TCF12: variants seen among roughly 807,000 people sequenced by gnomAD.
TCF12 encodes DNA-binding protein HTF4.
In TCF12, 45 loss-of-function variants were observed where a neutral mutation model predicts 86.0. The observed-to-expected ratio is 0.52, with a 90% CI of 0.41 to 0.67. The LOEUF (loss-of-function observed/expected upper bound fraction) is 0.67. TCF12 is among the 30% of genes least tolerant of loss of function. The pLI is 0.00. For synonymous variants in TCF12, 330 were observed against 299.6 expected, an observed-to-expected ratio of 1.10 and a Z score of -1.05; for missense variants, 881 against 859.9, an observed-to-expected ratio of 1.02 and a Z score of -0.31.
chr15:57,082,905 G>A (rs942620327), intron 4 of TCF12, among the ~76,000 whole-genome samples: 8 of 152,128 alleles, frequency 5.3e-5, no homozygotes, highest in African/African-American at 1.9e-4. Flanking sequence ...GGGAGAAATT[G>A]GAGGCAAGCT....
chr15:57,225,220 CTTTTTTTTTT>C lies in TCF12; in HGVS notation c.580-5910_580-5901del, dbSNP rs139530756. ...TTACCATTTAGGTTACTGATATATG[CTTTTTTTTTT>C]TTTTTTTTTTTTTTTTTTTTTAAGA... On this transcript the variant is annotated intron_variant, in intron 8 of 20. Transcript: ENST00000333725. 2.3e-4 allele frequency among the ~76,000 whole-genome samples: 9 copies of C among 39,768 alleles called. No individual in the cohort carries two copies. The Admixed American group carries it at 2.9e-3, about 13-fold the overall frequency. 26.1% of individuals were successfully genotyped at this position (39,768 alleles called of 152,430 possible). A position where few individuals can be genotyped will look rare whatever the true frequency, so the allele number is the denominator to read the frequency against.
At chr15:56,929,586 G>A (rs1379620501) in intron 3 of TCF12, among the ~76,000 whole-genome samples, 1 of 152,040 alleles carries the variant, frequency 6.6e-6, no homozygotes, top group Non-Finnish European at 1.5e-5. Flanking sequence ...ACTGTAAGCT[G>A]CTTGGGGACC....
intron 6 of TCF12, among the ~76,000 whole-genome samples, chr15:57,172,179 T>TC (rs1189550612): frequency 6.6e-6 from 1 of 152,152 alleles, no homozygotes; most frequent in Admixed American, 6.6e-5. Flanking sequence ...AGTTGATGTA[T>TC]CAGAAAGACA....
rs1226920021 is a variant in TCF12 at position 57,096,399 on chromosome 15, G to GA, written c.325+4518dup. ...GGGAAATGTTTCTGGTTATTTAAAG[G>GA]AAAAAAAAAAGATCATGAAAGTTCT... On this transcript the variant is annotated intron_variant, in intron 5 of 20. Transcript: ENST00000333725. Among the ~76,000 whole-genome samples, 516 of 145,886 alleles carry GA rather than the reference G, an allele frequency of 3.5e-3. 2 individuals are homozygous for GA. Among genetic ancestry groups the GA allele is most frequent in the African/African-American group, 0.012 (486 of 39,912 alleles).
chr15:57,174,606 C>T (rs893140886), intron 6 of TCF12, among the ~76,000 whole-genome samples: 5 of 152,238 alleles, frequency 3.3e-5, no homozygotes, highest in South Asian at 2.1e-4. Flanking sequence ...TTGCTGATGA[C>T]GTGTTTGTGT....
intron 11 of TCF12, among the ~76,000 whole-genome samples, 200 bp from the exon 12 acceptor site, chr15:57,233,843 T>C (rs527754437): frequency 6.6e-6 from 1 of 152,334 alleles, no homozygotes; most frequent in Non-Finnish European, 1.5e-5. Flanking sequence ...GACAAGAAGC[T>C]TTTTTATTAT....
intron 3 of TCF12, among the ~76,000 whole-genome samples, chr15:56,932,843 C>G (rs1204429291): frequency 6.6e-6 from 1 of 152,152 alleles, no homozygotes; most frequent in South Asian, 2.1e-4. Context: ...GCTACTGTGC[C>G]TGGCCGATTT....
At chr15:57,097,747 C>A (rs1192712587) in intron 5 of TCF12, among the ~76,000 whole-genome samples, 1 of 152,006 alleles carries the variant, frequency 6.6e-6, no homozygotes, top group Non-Finnish European at 1.5e-5. Flanking sequence ...ATTCTCTGAC[C>A]TTTGGCTGTG....
intron 3 of TCF12, among the ~76,000 whole-genome samples, chr15:56,996,778 C>T (rs370901826): frequency 6.6e-6 from 1 of 151,344 alleles, no homozygotes; most frequent in African/African-American, 2.4e-5. Context: ...GAACTTAAAT[C>T]AACTAGCAGA....
chr15:57,051,755 T>A (rs1411731981), intron 3 of TCF12, among the ~76,000 whole-genome samples: 1 of 152,232 alleles, frequency 6.6e-6, no homozygotes, highest in Non-Finnish European at 1.5e-5. Context: ...CTGGTTTTGT[T>A]CTTTGCTTTC....
intron 5 of TCF12, among the ~76,000 whole-genome samples, chr15:57,125,457 G>C (rs779405894): frequency 2.0e-5 from 3 of 152,144 alleles, no homozygotes; most frequent in Non-Finnish European, 2.9e-5. Flanking sequence ...ACAGTTACAC[G>C]AGGCAAACCT....
chr15:57,172,541 T>A (rs1034621306), intron 6 of TCF12, among the ~76,000 whole-genome samples: 4 of 152,072 alleles, frequency 2.6e-5, no homozygotes, highest in African/African-American at 9.7e-5. Context: ...ACAGAGTATG[T>A]TCTCTGGACA....
At chr15:56,956,776 T>C (rs1463504488) in intron 3 of TCF12, among the ~76,000 whole-genome samples, 4 of 152,188 alleles carry the variant, frequency 2.6e-5, no homozygotes. Context: ...ATATAAAGTG[T>C]CTTTTTTCTT....
chr15:57,243,050 C>T (rs1487876260), intron 12 of TCF12, among the ~76,000 whole-genome samples: 1 of 151,998 alleles, frequency 6.6e-6, no homozygotes, highest in African/African-American at 2.4e-5. Flanking sequence ...TTTCTTTGTC[C>T]AGCCTTTAAA....
At chr15:57,266,938 A>T (rs1298837038) in intron 18 of TCF12, among the ~76,000 whole-genome samples, 1 of 152,200 alleles carries the variant, frequency 6.6e-6, no homozygotes, top group African/African-American at 2.4e-5. Flanking sequence ...GTAAGGCAGG[A>T]AGATTGCTTG....
intron 14 of TCF12, among the ~76,000 whole-genome samples, chr15:57,251,632 A>C (rs1202244553): frequency 1.3e-5 from 2 of 152,228 alleles, no homozygotes; most frequent in African/African-American, 4.8e-5. Context: ...GTGTCAGGAC[A>C]GCTGATGTTA....
At chr15:57,191,436 C>T (rs1243375065) in intron 6 of TCF12, among the ~76,000 whole-genome samples, 1 of 152,096 alleles carries the variant, frequency 6.6e-6, no homozygotes, top group African/African-American at 2.4e-5. Context: ...GCATTCCAGC[C>T]TGAGTGACAG....
intron 4 of TCF12, among the ~76,000 whole-genome samples, chr15:57,080,270 T>C (rs1300565789): frequency 6.6e-6 from 1 of 152,210 alleles, no homozygotes; most frequent in African/African-American, 2.4e-5. Context: ...CTTTCTGTTT[T>C]TCAAAGGGAG....
intron 3 of TCF12, among the ~76,000 whole-genome samples, chr15:56,987,631 C>G (rs1304068915): frequency 6.6e-6 from 1 of 152,034 alleles, no homozygotes; most frequent in Admixed American, 6.6e-5. Context: ...ATGTCAGGTT[C>G]AATAATTTTT....
Sources: gnomAD v4.1 joint callset for allele counts (sites outside exome capture counted in the v4.1 genomes callset) on GRCh38, gnomAD v4.1.1 for gene constraint, MANE v1.5 for transcripts, NCBI Gene and HGNC (gene_info 2026-07-23, HGNC 2026-07-21) for gene names.